RALYL: variants seen among roughly 807,000 people sequenced by gnomAD.
RALYL encodes the protein RNA-binding Raly-like protein.
A neutral mutation model predicts 35.1 loss-of-function variants in RALYL; 29 were observed. That is an observed-to-expected ratio of 0.83 (90% confidence interval 0.61 to 1.13). RALYL has a LOEUF of 1.13. RALYL is among the 50% of genes most tolerant of loss of function. The pLI is 0.00. For missense variants in RALYL, 359 were observed against 360.4 expected (o/e 1.00, Z 0.03); for synonymous variants, 120 against 127.6 (o/e 0.94, Z 0.40).
intron 1 of RALYL, among the ~76,000 whole-genome samples, chr8:84,418,840 C>T (rs879669615): frequency 5.3e-5 from 8 of 152,118 alleles, no homozygotes; most frequent in Non-Finnish European, 1.2e-4. Context: ...ATCAGATGTT[C>T]TCCTTAACTT....
rs527505947 is a variant in RALYL at position 84,289,371 on chromosome 8, C to G, written c.-24+104947C>G. ...GCTGTAAGAAAAGGGAAATCAGGGCCTAGTCAGAAGGAAGCAGGTACGGAG... is the reference window on the plus strand; with the variant it reads ...GCTGTAAGAAAAGGGAAATCAGGGCGTAGTCAGAAGGAAGCAGGTACGGAG... On this transcript the variant is annotated intron_variant, in intron 1 of 8. Coordinates refer to ENST00000521268, the MANE Select transcript of RALYL (RefSeq NM_173848.7). Among the ~76,000 whole-genome samples the G allele has an allele frequency of 5.3e-5, 8 of 152,116 alleles. No homozygotes were observed. The East Asian group carries it at 1.5e-3, about 29-fold the overall frequency.
intron 1 of RALYL, among the ~76,000 whole-genome samples, chr8:84,476,004 C>T (rs906328916): frequency 3.9e-5 from 6 of 152,118 alleles, no homozygotes; most frequent in African/African-American, 1.4e-4. Flanking sequence ...GGCATTCATT[C>T]AATAAATATT....
chr8:84,632,717 T>G (rs1298124668), intron 2 of RALYL, among the ~76,000 whole-genome samples: 1 of 151,930 alleles, frequency 6.6e-6, no homozygotes, highest in Non-Finnish European at 1.5e-5. Flanking sequence ...TCTACTATTT[T>G]GTAAAGTACC....
At chr8:84,705,423 G>A (rs1261038781) in intron 2 of RALYL, among the ~76,000 whole-genome samples, 1 of 152,146 alleles carries the variant, frequency 6.6e-6, no homozygotes, top group Non-Finnish European at 1.5e-5. Context: ...GTAAAGTTCT[G>A]TGGATATAAA....
intron 2 of RALYL, among the ~76,000 whole-genome samples, chr8:84,702,146 C>A (rs1840304904): frequency 6.6e-6 from 1 of 152,148 alleles, no homozygotes; most frequent in South Asian, 2.1e-4. Flanking sequence ...GAAAAGACCT[C>A]AGCACCTAAT....
intron 4 of RALYL, among the ~76,000 whole-genome samples, chr8:84,840,011 A>G (rs909405531): frequency 2.6e-5 from 4 of 152,192 alleles, no homozygotes; most frequent in Non-Finnish European, 5.9e-5. Flanking sequence ...AACCACAAAG[A>G]TGGGGAAAAA....
chr8:84,756,917 T>C (rs538451256), intron 2 of RALYL, among the ~76,000 whole-genome samples: 2 of 152,200 alleles, frequency 1.3e-5, no homozygotes, highest in Non-Finnish European at 2.9e-5. Context: ...TTATTTGTCT[T>C]TTTTGCCAAT....
intron 1 of RALYL, among the ~76,000 whole-genome samples, chr8:84,338,252 T>A (rs1179670396): frequency 6.6e-6 from 1 of 151,936 alleles, no homozygotes; most frequent in Non-Finnish European, 1.5e-5. Context: ...TACATAGAGA[T>A]GAATGTTAGT....
intron 1 of RALYL, among the ~76,000 whole-genome samples, chr8:84,250,276 C>T (rs1179677023): frequency 6.6e-6 from 1 of 152,106 alleles, no homozygotes; most frequent in South Asian, 2.1e-4. Context: ...CTAAGAAAAG[C>T]TTCAGGTGTG....
intron 1 of RALYL, among the ~76,000 whole-genome samples, chr8:84,223,377 A>G (rs941256105): frequency 2.0e-5 from 3 of 152,186 alleles, no homozygotes; most frequent in Admixed American, 2.0e-4. Context: ...CAGACTGATC[A>G]CCTGGCATGA....
At chr8:84,620,998 G>A (rs1350187325) in intron 2 of RALYL, among the ~76,000 whole-genome samples, 1 of 152,188 alleles carries the variant, frequency 6.6e-6, no homozygotes, top group African/African-American at 2.4e-5. Flanking sequence ...TCTCTTCAAA[G>A]CTGTCAGACA....
At chr8:84,674,880 G>A (rs1354724746) in intron 2 of RALYL, among the ~76,000 whole-genome samples, 1 of 151,838 alleles carries the variant, frequency 6.6e-6, no homozygotes, top group Admixed American at 6.6e-5. Context: ...TGTATACAAA[G>A]TAAGCACAGT....
At chr8:84,465,347 G>A (rs2051441192) in intron 1 of RALYL, among the ~76,000 whole-genome samples, 2 of 107,336 alleles carry the variant, frequency 1.9e-5, no homozygotes, top group African/African-American at 7.4e-5. Context: ...TCCAGTTTCA[G>A]CTTTCTACAT....
intron 1 of RALYL, among the ~76,000 whole-genome samples, chr8:84,397,059 TA>T (rs1400132096): frequency 2.0e-5 from 3 of 152,036 alleles, no homozygotes; most frequent in Non-Finnish European, 4.4e-5. Context: ...CCAATGTAAT[TA>T]TACAGTCCTA....
At chr8:84,755,476 ACT>A (rs1246046249) in intron 2 of RALYL, among the ~76,000 whole-genome samples, 1 of 152,020 alleles carries the variant, frequency 6.6e-6, no homozygotes, top group Non-Finnish European at 1.5e-5. Context: ...TATTCAACAA[ACT>A]CTATAACCAT....
intron 1 of RALYL, among the ~76,000 whole-genome samples, chr8:84,311,637 A>G (rs866531860): frequency 6.6e-6 from 1 of 152,186 alleles, no homozygotes; most frequent in Non-Finnish European, 1.5e-5. Context: ...ATAGGATCCC[A>G]ATAAAATACC....
At chr8:84,424,313 C>G (rs1252495066) in intron 1 of RALYL, among the ~76,000 whole-genome samples, 2 of 123,014 alleles carry the variant, frequency 1.6e-5, no homozygotes, top group East Asian at 4.4e-4. Context: ...TCTTCCATTG[C>G]TGATACCCTT....
intron 2 of RALYL, among the ~76,000 whole-genome samples, chr8:84,684,951 T>C (rs985213514): frequency 6.6e-6 from 1 of 152,144 alleles, no homozygotes; most frequent in African/African-American, 2.4e-5. Flanking sequence ...ACCTGAGGCC[T>C]CCTCTCAGCT....
chr8:84,767,211 C>A (rs539439890), intron 2 of RALYL, among the ~76,000 whole-genome samples: 1 of 152,278 alleles, frequency 6.6e-6, no homozygotes, highest in African/African-American at 2.4e-5. Context: ...TCTCCATTTG[C>A]TTCATCTCAT....
Sources: gnomAD v4.1 joint callset for allele counts (sites outside exome capture counted in the v4.1 genomes callset) on GRCh38, gnomAD v4.1.1 for gene constraint, MANE v1.5 for transcripts, NCBI Gene and HGNC (gene_info 2026-07-23, HGNC 2026-07-21) for gene names.